The following F2RL1 variants were observed in gnomAD, a reference collection of about 807,000 sequenced individuals.
F2RL1 encodes proteinase-activated receptor 2.
F2RL1 carries 16 observed loss-of-function variants against 21.7 expected under a neutral mutation model. That is an observed-to-expected ratio of 0.74 (90% confidence interval 0.50 to 1.12). The LOEUF is 1.12. Among genes scored for constraint, F2RL1 ranks in the 50% most tolerant of loss-of-function variants. F2RL1 has a pLI of 0.00. For synonymous variants in F2RL1, 181 were observed against 186.7 expected (o/e 0.97, Z 0.25); for missense variants, 432 against 477.8 (o/e 0.90, Z 0.89).
rs1750398347 is a variant in F2RL1, at chr5:76,833,605, C to G, written c.998C>G (p.Ser333Cys). The change falls in exon 2 of 2, where the codon TCT (serine) becomes TGT (cysteine). Residue 333 changes from serine to cysteine, a missense_variant. By Grantham distance (112) the Ser-to-Cys change is moderately radical. Coordinates refer to ENST00000296677, the MANE Select transcript of F2RL1 (RefSeq NM_005242.6). ...CTGTACATTGTAGCCCTCTGCCTCT[C>G]TACCCTTAACAGCTGCATCGACCCC... ...YALYIVALCL[S>C]TLNSCIDPFV... is the part of the protein sequence containing the mutation. 1 of 1,613,846 alleles carries G rather than the reference C, an allele frequency of 6.2e-7. No individual in the cohort carries two copies. The highest frequency in any genetic ancestry group is 1.7e-5 in the Admixed American group (1 of 59,954).
intron 1 of F2RL1, among the ~76,000 whole-genome samples, chr5:76,832,123 G>T (rs939210089): frequency 6.6e-6 from 1 of 151,624 alleles, no homozygotes; most frequent in African/African-American, 2.4e-5. Flanking sequence ...CCTAGAAATC[G>T]ATGCTCCACA....
intron 1 of F2RL1, among the ~76,000 whole-genome samples, chr5:76,823,851 C>A (rs1345125207): frequency 2.2e-5 from 3 of 136,194 alleles, no homozygotes; most frequent in African/African-American, 8.4e-5. Flanking sequence ...CTTGCCGTGT[C>A]GCCCAGGCTG....
rs1453060354 is a variant in F2RL1 at position 76,819,210 on chromosome 5, C to T, written c.28C>T (p.Leu10=). The T allele has an allele frequency of 6.3e-7, 1 of 1,588,872 alleles. No individual in the cohort carries two copies. The highest frequency in any genetic ancestry group is 1.1e-5 in the South Asian group (1 of 89,102). The change falls in exon 1 of 2, where the codon CTG becomes TTG. Residue 10 remains leucine (L), a synonymous_variant. Transcript: ENST00000296677. MRSPSAAWL[L]GAAILLAASL... ...GCGGAGCCCCAGCGCGGCGTGGCTG[C>T]TGGGGGCCGCCATCCTGCTAGCAGC...
At chr5:76,823,723 G>A (rs1191882883) in intron 1 of F2RL1, among the ~76,000 whole-genome samples, 1 of 151,718 alleles carries the variant, frequency 6.6e-6, no homozygotes, top group African/African-American at 2.4e-5. Context: ...AGGAATAGAA[G>A]GAGCATACCG....
rs1750428309 is a variant in F2RL1, at chr5:76,834,866, A to G, written c.*1065A>G. ...GGTGTCTCTTTTATGTTCAGCTTAT[A>G]ATGAAATCTGTTTGTTGACTTATTA... On this transcript the variant is annotated 3_prime_UTR_variant, in exon 2 of 2. Transcript: ENST00000296677. 1 of 152,310 alleles carries G rather than the reference A, an allele frequency of 6.6e-6. No homozygotes were observed. The highest frequency in any genetic ancestry group is 2.4e-5 in the African/African-American group (1 of 41,452). 9.4% of individuals were successfully genotyped at this position (152,310 alleles called of 1,614,324 possible).
At chr5:76,831,908 TCA>T (rs1318176992) in intron 1 of F2RL1, among the ~76,000 whole-genome samples, 3 of 151,858 alleles carry the variant, frequency 2.0e-5, no homozygotes, top group Non-Finnish European at 4.4e-5. Flanking sequence ...GCGTGATGTC[TCA>T]CACCTGTAAT....
chr5:76,825,775 C>T (rs1199000720), intron 1 of F2RL1, among the ~76,000 whole-genome samples: 1 of 152,052 alleles, frequency 6.6e-6, no homozygotes, highest in African/African-American at 2.4e-5. Flanking sequence ...TGACATTTAC[C>T]AGTGTTATAG....
intron 1 of F2RL1, among the ~76,000 whole-genome samples, chr5:76,822,455 T>C (rs1228177596): frequency 1.3e-5 from 2 of 152,152 alleles, no homozygotes. Context: ...TGACCTCAAG[T>C]GATCCACCTG....
At position 76,833,120 on chromosome 5, in the gene F2RL1, G is replaced by T. The variant is rs750901684; in HGVS notation, c.513G>T (p.Val171=). The T allele has an allele frequency of 5.0e-6, 8 of 1,614,082 alleles. No homozygotes were observed. The highest frequency in any genetic ancestry group is 6.8e-6 in the Non-Finnish European group (8 of 1,180,036). Residue 171 remains valine, a synonymous_variant, in exon 2 of 2, where the codon GTG becomes GTT. Transcript: ENST00000296677. ...CSILFMTCLS[V]QRYWVIVNPM... is the part of the protein sequence containing the mutation. ...TTCTCTTCATGACCTGCCTCAGTGT[G>T]CAGAGGTATTGGGTCATCGTGAACC... is the stretch of plus-strand genomic sequence containing the variant.
chr5:76,833,534 G>T lies in F2RL1; in HGVS notation c.927G>T (p.Val309=). The T allele has an allele frequency of 6.2e-7, 1 of 1,613,612 alleles. No individual in the cohort carries two copies. Among genetic ancestry groups the T allele is most frequent in the Non-Finnish European group, 8.5e-7 (1 of 1,179,976 alleles). ...CTCCTAGTAACCTTCTGCTTGTGGT[G>T]CATTATTTTCTGATTAAGAGCCAGG... The part of the protein sequence containing the change: ...CFTPSNLLLV[V]HYFLIKSQGQ... The change falls in exon 2 of 2, where the codon GTG becomes GTT. Residue 309 remains valine (V), a synonymous_variant. Transcript: ENST00000296677.
chr5:76,833,907 C>T lies in F2RL1; in HGVS notation c.*106C>T. 3.7e-5 allele frequency: 44 copies of T among 1,176,648 alleles called. No individual in the cohort carries two copies. Among genetic ancestry groups the T allele is most frequent in the Non-Finnish European group, 5.2e-5 (43 of 833,636 alleles). 72.9% of individuals were successfully genotyped at this position (1,176,648 alleles called of 1,614,324 possible). On this transcript the variant is annotated 3_prime_UTR_variant, in exon 2 of 2. Coordinates refer to ENST00000296677, the MANE Select transcript of F2RL1 (RefSeq NM_005242.6). ...TAATCAAAAAGGTCTCACCACATAC[C>T]ATGTGGATGCAGCACCTCTCAGGAT...
chr5:76,824,161 C>CA (rs1393948557), intron 1 of F2RL1, among the ~76,000 whole-genome samples: 14 of 66,978 alleles, frequency 2.1e-4, no homozygotes, highest in Admixed American at 5.7e-4. Context: ...CCCACCACAC[C>CA]CCCCCCCCCT....
At chr5:76,827,789 G>A (rs1580933685) in intron 1 of F2RL1, among the ~76,000 whole-genome samples, 1 of 151,614 alleles carries the variant, frequency 6.6e-6, no homozygotes, top group Admixed American at 6.6e-5. Flanking sequence ...TAATAGAGAT[G>A]GGGTTTCACC....
rs751814011 is a variant in F2RL1 at position 76,833,521 on chromosome 5, T to A, written c.914T>A (p.Leu305His). 2.9e-5 allele frequency: 46 copies of A among 1,613,628 alleles called. 1 individual carries two copies. The South Asian group carries it at 4.8e-4, about 17-fold the overall frequency. Residue 305 changes from leucine (L) to histidine (H), a missense_variant, in exon 2 of 2, where the codon CTT (leucine) becomes CAT (histidine). Physicochemically the swap from Leu to His is moderately conservative, Grantham distance 99. Coordinates refer to ENST00000296677, the MANE Select transcript of F2RL1 (RefSeq NM_005242.6). ...MYLICFTPSN[L>H]LLVVHYFLIK... ...CTGATCTGCTTCACTCCTAGTAACC[T>A]TCTGCTTGTGGTGCATTATTTTCTG...
intron 1 of F2RL1, among the ~76,000 whole-genome samples, chr5:76,821,338 T>A (rs1750131585): frequency 6.6e-6 from 1 of 152,176 alleles, no homozygotes; most frequent in Admixed American, 6.5e-5. Flanking sequence ...ATCCTTTCCA[T>A]CACGTCTAGC....
chr5:76,833,605 C>T lies in F2RL1; in HGVS notation c.998C>T (p.Ser333Phe). The T allele has an allele frequency of 6.2e-7, 1 of 1,613,964 alleles. No individual in the cohort carries two copies. Among genetic ancestry groups the T allele is most frequent in the African/African-American group, 1.3e-5 (1 of 75,008 alleles). Residue 333 changes from serine to phenylalanine, a missense_variant, in exon 2 of 2, where the codon TCT becomes TTT. Physicochemically the swap from Ser to Phe is radical, Grantham distance 155. Transcript: ENST00000296677. ...CTGTACATTGTAGCCCTCTGCCTCT[C>T]TACCCTTAACAGCTGCATCGACCCC... is the stretch of plus-strand genomic sequence containing the variant. ...YALYIVALCL[S>F]TLNSCIDPFV...
intron 1 of F2RL1, among the ~76,000 whole-genome samples, chr5:76,821,937 C>G (rs1750143279): frequency 6.6e-6 from 1 of 151,576 alleles, no homozygotes; most frequent in South Asian, 2.1e-4. Flanking sequence ...GAAAAATGAG[C>G]CAAAACAAAA....
chr5:76,821,587 G>GTTTTTTT (rs67165766), intron 1 of F2RL1, among the ~76,000 whole-genome samples: 1 of 132,996 alleles, frequency 7.5e-6, no homozygotes, highest in African/African-American at 2.8e-5. Context: ...GGTTTTTTGG[G>GTTTTTTT]TTTTTTTTTT....
At chr5:76,823,521 G>A (rs1051830955) in intron 1 of F2RL1, among the ~76,000 whole-genome samples, 4 of 151,860 alleles carry the variant, frequency 2.6e-5, no homozygotes, top group East Asian at 3.9e-4. Flanking sequence ...TGGGATTACA[G>A]ATGCGCGCCA....
Sources: allele counts gnomAD v4.1 joint callset (sites outside exome capture counted in the v4.1 genomes callset), GRCh38; gene constraint gnomAD v4.1.1; transcripts MANE v1.5; gene names NCBI Gene and HGNC (gene_info 2026-07-23, HGNC 2026-07-21).